The following VPS13B variants were observed in gnomAD, a reference collection of about 807,000 sequenced individuals.
The protein encoded by VPS13B is intermembrane lipid transfer protein VPS13B.
Under a neutral mutation model 426.4 loss-of-function variants are expected in VPS13B, and 285 were observed. The ratio of observed to expected loss-of-function variants is 0.67; its 90% CI spans 0.61 to 0.74. The LOEUF (loss-of-function observed/expected upper bound fraction) is 0.74. Ranked by LOEUF, VPS13B falls within the 30% of genes least tolerant of loss-of-function variation. The probability of loss-of-function intolerance (pLI) is 0.00; values close to 1 mark genes in which losing one functional copy is unlikely to be tolerated. For synonymous variants in VPS13B, 1,676 were observed against 1,676.4 expected (o/e 1.00, Z 0.01); for missense variants, 4,537 against 4,782.6 (o/e 0.95, Z 1.51).
At chr8:99,599,250 T>C (rs1365590382) in intron 33 of VPS13B, among the ~76,000 whole-genome samples, 6 of 152,000 alleles carry the variant, frequency 3.9e-5, no homozygotes, top group African/African-American at 1.4e-4. Flanking sequence ...TGCCTTCCTG[T>C]CTCCCCGGGC....
chr8:99,856,563 G>A (rs534298153), intron 56 of VPS13B, among the ~76,000 whole-genome samples: 43 of 152,286 alleles, frequency 2.8e-4, no homozygotes, highest in African/African-American at 9.1e-4. Flanking sequence ...GAAACAGGCC[G>A]GGCGCAGTGG....
At chr8:99,598,448 G>T (rs931392437) in intron 33 of VPS13B, among the ~76,000 whole-genome samples, 1 of 151,978 alleles carries the variant, frequency 6.6e-6, no homozygotes, top group Non-Finnish European at 1.5e-5. Context: ...CGTTCATTTG[G>T]CTGCAGTAAT....
At chr8:99,805,715 C>T (rs1369828103) in intron 43 of VPS13B, among the ~76,000 whole-genome samples, 1 of 152,332 alleles carries the variant, frequency 6.6e-6, no homozygotes, top group East Asian at 1.9e-4. Context: ...AATGTACTCT[C>T]TTGGGACCTT....
chr8:99,465,870 T>G (rs1819086877), intron 23 of VPS13B, among the ~76,000 whole-genome samples: 1 of 152,132 alleles, frequency 6.6e-6, no homozygotes, highest in African/African-American at 2.4e-5. Context: ...GTCAAGTTAT[T>G]GTGAACTATG....
At chr8:99,739,363 GGCCTGCCT>G (rs1056463525) in intron 39 of VPS13B, among the ~76,000 whole-genome samples, 2 of 152,238 alleles carry the variant, frequency 1.3e-5, no homozygotes, top group African/African-American at 2.4e-5. Flanking sequence ...AGCTCAAGGA[GGCCTGCCT>G]GCCTCTGTAG....
At chr8:99,133,774 T>C (rs921299880) in intron 8 of VPS13B, among the ~76,000 whole-genome samples, 5 of 152,086 alleles carry the variant, frequency 3.3e-5, no homozygotes, top group Non-Finnish European at 7.4e-5. Context: ...AAGTTCTCAG[T>C]CTTAAATGGG....
At chr8:99,454,640 C>T (rs968891645) in intron 23 of VPS13B, among the ~76,000 whole-genome samples, 12 of 152,098 alleles carry the variant, frequency 7.9e-5, no homozygotes, top group East Asian at 1.9e-4. Context: ...TGGCTTCTTT[C>T]GATAAATACT....
intron 17 of VPS13B, among the ~76,000 whole-genome samples, chr8:99,211,695 T>G (rs1447880949): frequency 6.6e-6 from 1 of 151,894 alleles, no homozygotes; most frequent in Non-Finnish European, 1.5e-5. Flanking sequence ...GAGAATCACT[T>G]GAATCTGGGA....
chr8:99,842,206 A>G (rs887949555), intron 54 of VPS13B, among the ~76,000 whole-genome samples: 6 of 152,210 alleles, frequency 3.9e-5, no homozygotes, highest in Admixed American at 6.5e-5. Flanking sequence ...TTTTAGCCCA[A>G]AGTCAGCTGC....
intron 33 of VPS13B, among the ~76,000 whole-genome samples, chr8:99,580,727 CTGT>C (rs1264900029): frequency 4.6e-4 from 69 of 151,506 alleles, no homozygotes; most frequent in Non-Finnish European, 1.5e-4. Flanking sequence ...TGGTGTGTGC[CTGT>C]AGTCCCAGCT....
At chr8:99,413,822 TTGC>T (rs1380216535) in intron 21 of VPS13B, among the ~76,000 whole-genome samples, 3 of 152,206 alleles carry the variant, frequency 2.0e-5, no homozygotes, top group Non-Finnish European at 4.4e-5. Context: ...TCTTTTGCAT[TTGC>T]TGAGGAGTGT....
chr8:99,436,272 A>G (rs113579288), intron 22 of VPS13B, among the ~76,000 whole-genome samples: 219 of 152,296 alleles, frequency 1.4e-3, no homozygotes, highest in African/African-American at 5.0e-3. Flanking sequence ...ACATTATTGT[A>G]TGATTCTTTT....
chr8:99,416,674 A>G (rs143219187), intron 21 of VPS13B, among the ~76,000 whole-genome samples: 56 of 152,212 alleles, frequency 3.7e-4, no homozygotes, highest in African/African-American at 1.3e-3. Context: ...AGGGGAGGGC[A>G]TTCCCTGACC....
chr8:99,322,926 G>A (rs1299651320), intron 19 of VPS13B, among the ~76,000 whole-genome samples: 3 of 152,176 alleles, frequency 2.0e-5, no homozygotes, highest in Non-Finnish European at 2.9e-5. Context: ...CACAAAAGAT[G>A]TACAAATAAT....
intron 16 of VPS13B, among the ~76,000 whole-genome samples, chr8:99,174,997 ACTTTTT>A (rs928659116): frequency 1.3e-5 from 2 of 152,182 alleles, no homozygotes; most frequent in Admixed American, 6.5e-5. Context: ...CAGCATTTTT[ACTTTTT>A]CTTAATGATT....
chr8:99,614,186 A>G (rs1827965794), intron 33 of VPS13B: 1 of 152,148 alleles, frequency 6.6e-6, no homozygotes, highest in Non-Finnish European at 1.5e-5. Flanking sequence ...CTGGCAGATT[A>G]TGTAGGCTAC....
At chr8:99,283,286 A>G (rs1819263526) in intron 19 of VPS13B, among the ~76,000 whole-genome samples, 1 of 152,200 alleles carries the variant, frequency 6.6e-6, no homozygotes, top group Non-Finnish European at 1.5e-5. Flanking sequence ...TTGGGCATAA[A>G]TGTGTAAAAA....
At chr8:99,337,162 A>G (rs978046093) in intron 19 of VPS13B, among the ~76,000 whole-genome samples, 1 of 152,114 alleles carries the variant, frequency 6.6e-6, no homozygotes, top group South Asian at 2.1e-4. Context: ...GCACATATAC[A>G]CCATGGAATA....
At chr8:99,545,062 A>G (rs1032181172) in intron 30 of VPS13B, among the ~76,000 whole-genome samples, 2 of 152,146 alleles carry the variant, frequency 1.3e-5, no homozygotes, top group Non-Finnish European at 2.9e-5. Flanking sequence ...GTACAAGAAA[A>G]TGCTTTTTCT....
Sources: allele counts gnomAD v4.1 joint callset (sites outside exome capture counted in the v4.1 genomes callset), GRCh38; gene constraint gnomAD v4.1.1; transcripts MANE v1.5; gene names NCBI Gene and HGNC (gene_info 2026-07-23, HGNC 2026-07-21).